The following SLC44A5 variants were observed in gnomAD, a reference collection of about 807,000 sequenced individuals.
SLC44A5 encodes solute carrier family 44 member 5.
SLC44A5 carries 57 observed loss-of-function variants against 101.8 expected under a neutral mutation model. The observed-to-expected ratio is 0.56, with a 90% CI of 0.45 to 0.70. The LOEUF (loss-of-function observed/expected upper bound fraction) is 0.70. Ranked by LOEUF, SLC44A5 falls within the 30% of genes least tolerant of loss-of-function variation. The pLI is 0.00. For synonymous variants in SLC44A5, 281 were observed against 290.9 expected, an observed-to-expected ratio of 0.97 and a Z score of 0.35; for missense variants, 737 against 853.1, an observed-to-expected ratio of 0.86 and a Z score of 1.70.
At chr1:75,322,913 A>T (rs1342265419) in intron 4 of SLC44A5, among the ~76,000 whole-genome samples, 1 of 152,160 alleles carries the variant, frequency 6.6e-6, no homozygotes, top group African/African-American at 2.4e-5. Context: ...CGAAAATAGG[A>T]GACTGAACCA....
intron 1 of SLC44A5, among the ~76,000 whole-genome samples, chr1:75,543,718 A>G (rs1671492445): frequency 6.7e-6 from 1 of 148,706 alleles, no homozygotes; most frequent in Non-Finnish European, 1.5e-5. Context: ...TATAATTGGA[A>G]CTTCTTTAAT....
the SLC44A5 span, among the ~76,000 whole-genome samples, chr1:75,667,300 C>G: frequency 6.6e-6 from 1 of 151,928 alleles, no homozygotes; most frequent in African/African-American, 2.4e-5. Context: ...AACAGAGAGC[C>G]AAATCATGAG....
chr1:75,296,993 T>C (rs985352321), intron 5 of SLC44A5, among the ~76,000 whole-genome samples: 3 of 152,144 alleles, frequency 2.0e-5, no homozygotes, highest in Non-Finnish European at 4.4e-5. Flanking sequence ...ACACTAATTA[T>C]CCCTGGGAGC....
At chr1:75,312,027 A>AG (rs1300643504) in intron 4 of SLC44A5, among the ~76,000 whole-genome samples, 2 of 152,072 alleles carry the variant, frequency 1.3e-5, no homozygotes, top group African/African-American at 2.4e-5. Context: ...CATGTTGATG[A>AG]GGGGGGCTGG....
chr1:75,520,369 A>T lies in SLC44A5; in HGVS notation c.13+21066T>A, dbSNP rs546736354. On this transcript the variant is annotated intron_variant, in intron 2 of 23. Transcript: ENST00000370859. Reference sequence around the variant, plus strand: ...ATTGGGATGGGCAGGCCAATCCCAAACTCACTTAAACATACCCAATTTAAG... The same window carrying T: ...ATTGGGATGGGCAGGCCAATCCCAATCTCACTTAAACATACCCAATTTAAG... Among the ~76,000 whole-genome samples, 12 of 152,270 alleles carry T rather than the reference A, an allele frequency of 7.9e-5. No individual in the cohort carries two copies. The South Asian group carries it at 1.9e-3, about 24-fold the overall frequency.
chr1:75,369,710 A>G (rs772524380), intron 3 of SLC44A5, among the ~76,000 whole-genome samples: 29 of 152,276 alleles, frequency 1.9e-4, no homozygotes, highest in Non-Finnish European at 3.4e-4. Context: ...CTATTTTTAC[A>G]TTTTCTATTA....
At chr1:75,204,980 A>G (rs1433486389) in intron 23 of SLC44A5, 1 of 152,218 alleles carries the variant, frequency 6.6e-6, no homozygotes, top group Non-Finnish European at 1.5e-5. Flanking sequence ...TTGAATAATA[A>G]AAGACTAATC....
chr1:75,710,959 C>G, the SLC44A5 span, among the ~76,000 whole-genome samples: 3 of 152,296 alleles, frequency 2.0e-5, no homozygotes, highest in East Asian at 5.8e-4. Context: ...CTCATTTTCT[C>G]TCTACCCATT....
Position 75,203,833 on chromosome 1 carries a change from A to G in SLC44A5, c.2048T>C (p.Leu683Ser). 6.5e-7 allele frequency: 1 copy of G among 1,548,042 alleles called. No individual in the cohort carries two copies. Among genetic ancestry groups the G allele is most frequent in the Non-Finnish European group, 8.7e-7 (1 of 1,145,296 alleles). ...ACCATCATTTCTTTCTAAATCTTCCACTAGGAGGAAGAATGGTACAGAGTA... is the reference window on the plus strand; with the variant it reads ...ACCATCATTTCTTTCTAAATCTTCCGCTAGGAGGAAGAATGGTACAGAGTA... ...MCVETIFICF[L>S]EDLERNDGST... Residue 683 changes from leucine to serine, a missense_variant and splice_region_variant, in exon 24 of 24, where the codon TTG (leucine) becomes TCG (serine). By Grantham distance (145) the Leu-to-Ser change is moderately radical. Around this residue, in one of 3 missense-constraint regions of SLC44A5, gnomAD observed 61 missense variants for 56.5 expected, o/e 1.08. Coordinates refer to ENST00000370859, the MANE Select transcript of SLC44A5 (RefSeq NM_001130058.2).
chr1:75,481,641 G>A (rs71500679), intron 2 of SLC44A5, among the ~76,000 whole-genome samples: 40,553 of 150,806 alleles, frequency 0.27, 6,879 homozygotes, highest in East Asian at 0.79. Flanking sequence ...GCAGCCAACA[G>A]ACACATGAAA....
At chr1:75,612,715 T>C (rs1398622757), upstream of SLC44A5, among the ~76,000 whole-genome samples, 4 of 152,024 alleles carry the variant, frequency 2.6e-5, no homozygotes, top group Non-Finnish European at 1.5e-5. Context: ...CAGTGCTCAA[T>C]AAATATGTGC....
chr1:75,249,144 C>A (rs552322156), intron 7 of SLC44A5, among the ~76,000 whole-genome samples: 15 of 152,102 alleles, frequency 9.9e-5, no homozygotes, highest in Admixed American at 3.3e-4. Context: ...ACTAAGATAC[C>A]AACATCCCAA....
the SLC44A5 span, among the ~76,000 whole-genome samples, chr1:75,723,315 C>T: frequency 1.3e-5 from 2 of 152,138 alleles, no homozygotes; most frequent in Non-Finnish European, 2.9e-5. Flanking sequence ...ACACTGAGCG[C>T]CCGTTCCCAA....
At chr1:75,603,423 G>T (rs1306028957) in intron 1 of SLC44A5, among the ~76,000 whole-genome samples, 1 of 150,218 alleles carries the variant, frequency 6.7e-6, no homozygotes, top group Non-Finnish European at 1.5e-5. Context: ...TTGCTATTGT[G>T]AATAGTGCTG....
intron 4 of SLC44A5, among the ~76,000 whole-genome samples, chr1:75,319,405 A>G (rs1013049333): frequency 4.6e-5 from 7 of 152,238 alleles, no homozygotes; most frequent in African/African-American, 1.2e-4. Flanking sequence ...TATTTGCAGC[A>G]TGGACCTCAA....
chr1:75,383,238 T>C (rs988603026), intron 3 of SLC44A5, among the ~76,000 whole-genome samples: 1 of 121,560 alleles, frequency 8.2e-6, no homozygotes, highest in African/African-American at 3.2e-5. Flanking sequence ...AATTGTCTTG[T>C]GACCCTGACA....
intron 23 of SLC44A5, among the ~76,000 whole-genome samples, chr1:75,210,108 A>T (rs998375710): frequency 1.3e-5 from 2 of 151,778 alleles, no homozygotes; most frequent in African/African-American, 4.8e-5. Flanking sequence ...ATACAGTGGC[A>T]CTATCATAGC....
chr1:75,475,363 T>C (rs1362725057), intron 2 of SLC44A5, among the ~76,000 whole-genome samples: 3 of 152,228 alleles, frequency 2.0e-5, no homozygotes, highest in Non-Finnish European at 4.4e-5. Flanking sequence ...AGCTTTGATA[T>C]TACCTCTTGT....
At chr1:75,330,138 CACATGCATATACGTAT>C (rs1656920057) in intron 4 of SLC44A5, among the ~76,000 whole-genome samples, 2 of 137,038 alleles carry the variant, frequency 1.5e-5, no homozygotes, top group African/African-American at 6.3e-5. Context: ...CACACACACA[CACATGCATATACGTAT>C]ATGCATATAT....
Sources: allele counts gnomAD v4.1 joint callset (sites outside exome capture counted in the v4.1 genomes callset), GRCh38; gene constraint gnomAD v4.1.1; regional missense constraint gnomAD v4.1.1; transcripts MANE v1.5; gene names NCBI Gene and HGNC (gene_info 2026-07-23, HGNC 2026-07-21).